Variants in RP1 observed in about 807,000 individuals in gnomAD.
RP1 encodes oxygen-regulated protein 1.
Under a neutral mutation model 14.8 loss-of-function variants are expected in RP1, and 16 were observed. That is an observed-to-expected ratio of 1.08 (90% CI 0.73 to 1.65). The LOEUF is 1.65. RP1 is among the 40% of genes most tolerant of loss of function. The pLI is 0.00. For missense variants in RP1, 2,631 were observed against 2,535.0 expected, an observed-to-expected ratio of 1.04 and a Z score of -0.81; for synonymous variants, 876 against 883.6, an observed-to-expected ratio of 0.99 and a Z score of 0.15.
intron 3 of RP1, among the ~76,000 whole-genome samples, chr8:54,624,409 C>T (rs1299285165): frequency 8.6e-6 from 1 of 116,698 alleles, no homozygotes; most frequent in Non-Finnish European, 1.6e-5. Context: ...CACGCCACTG[C>T]ATTCCAGCCT....
At chr8:54,787,689 A>G (rs1810355796) in intron 24 of RP1, among the ~76,000 whole-genome samples, 1 of 152,170 alleles carries the variant, frequency 6.6e-6, no homozygotes, top group South Asian at 2.1e-4. Context: ...CTGCTTTACT[A>G]TTGTATGAAG....
At chr8:54,720,434 C>A in intron 16 of RP1, 2 of 845,608 alleles carry the variant, frequency 2.4e-6, no homozygotes, top group South Asian at 2.1e-5. Flanking sequence ...TGTTGTCATT[C>A]CAGAAGCAAT....
chr8:54,825,998 T>C (rs983615491), intron 24 of RP1, among the ~76,000 whole-genome samples: 3 of 152,050 alleles, frequency 2.0e-5, no homozygotes, highest in East Asian at 1.9e-4. Flanking sequence ...AGCCCAGAAA[T>C]TGGAAGCTGC....
intron 24 of RP1, among the ~76,000 whole-genome samples, chr8:54,825,922 G>T (rs544657080): frequency 6.6e-6 from 1 of 151,352 alleles, no homozygotes; most frequent in South Asian, 2.1e-4. Context: ...AAAAAAATCA[G>T]CCTGGTGCAA....
At chr8:54,830,030 C>CTGAA (rs1811480947) in intron 24 of RP1, among the ~76,000 whole-genome samples, 1 of 152,096 alleles carries the variant, frequency 6.6e-6, no homozygotes, top group African/African-American at 2.4e-5. Flanking sequence ...ATAATGTACT[C>CTGAA]TGAATATCAG....
intron 25 of RP1, among the ~76,000 whole-genome samples, chr8:54,842,324 T>C (rs990986077): frequency 6.6e-6 from 1 of 152,202 alleles, no homozygotes; most frequent in East Asian, 1.9e-4. Context: ...AAATGGGAAA[T>C]ACAACATCTA....
intron 19 of RP1, among the ~76,000 whole-genome samples, chr8:54,747,361 C>A (rs904326299): frequency 1.2e-4 from 19 of 152,140 alleles, no homozygotes; most frequent in Non-Finnish European, 2.6e-4. Flanking sequence ...AAAGGGAGCC[C>A]ACATTTGCTC....
At chr8:54,811,845 G>T (rs1811002461) in intron 24 of RP1, among the ~76,000 whole-genome samples, 3 of 152,200 alleles carry the variant, frequency 2.0e-5, no homozygotes, top group South Asian at 4.1e-4. Flanking sequence ...CAAGCTGAAA[G>T]CTCACTTACC....
At chr8:54,737,261 G>A (rs191645003) in intron 18 of RP1, among the ~76,000 whole-genome samples, 211 of 152,266 alleles carry the variant, frequency 1.4e-3, no homozygotes, top group Non-Finnish European at 2.3e-3. Flanking sequence ...GATTGGAAGG[G>A]ACAAGCATGT....
At chr8:54,572,836 T>C (rs1445336194) in intron 1 of RP1, among the ~76,000 whole-genome samples, 1 of 152,134 alleles carries the variant, frequency 6.6e-6, no homozygotes, top group Non-Finnish European at 1.5e-5. Context: ...CTGGTGGTGT[T>C]AGAATTTGCA....
chr8:54,680,208 G>A (rs1000453627), intron 12 of RP1, among the ~76,000 whole-genome samples: 3 of 152,126 alleles, frequency 2.0e-5, no homozygotes, highest in Non-Finnish European at 2.9e-5. Context: ...TAAATAATTT[G>A]AGGGCCAGAG....
At chr8:54,585,728 T>A (rs1804905231) in intron 1 of RP1, among the ~76,000 whole-genome samples, 1 of 152,218 alleles carries the variant, frequency 6.6e-6, no homozygotes, top group Non-Finnish European at 1.5e-5. Flanking sequence ...ACTTCTCTTC[T>A]CACTTCATTT....
intron 26 of RP1, among the ~76,000 whole-genome samples, chr8:54,855,938 C>A (rs1243491479): frequency 6.3e-5 from 6 of 95,736 alleles, no homozygotes; most frequent in African/African-American, 2.0e-4. Context: ...TTACTATACA[C>A]ACACACACAC....
At chr8:54,742,237 C>A (rs1334186500) in intron 19 of RP1, among the ~76,000 whole-genome samples, 4 of 152,160 alleles carry the variant, frequency 2.6e-5, no homozygotes, top group Non-Finnish European at 5.9e-5. Flanking sequence ...AATACTATAT[C>A]TGTCACTGGT....
At chr8:54,807,675 T>TATCTATCATC (rs10678922) in intron 24 of RP1, among the ~76,000 whole-genome samples, 1 of 113,646 alleles carries the variant, frequency 8.8e-6, no homozygotes, top group Admixed American at 9.7e-5. Flanking sequence ...TCTATCTATC[T>TATCTATCATC]ATTTATCTAT....
At chr8:54,563,449 C>G (rs1804330481) in intron 1 of RP1, among the ~76,000 whole-genome samples, 1 of 152,206 alleles carries the variant, frequency 6.6e-6, no homozygotes, top group African/African-American at 2.4e-5. Flanking sequence ...TAAAATATCT[C>G]CCTTGCAGAG....
intron 15 of RP1, among the ~76,000 whole-genome samples, chr8:54,707,375 G>C (rs1210713685): frequency 6.6e-6 from 1 of 152,074 alleles, no homozygotes; most frequent in Non-Finnish European, 1.5e-5. Flanking sequence ...CCACTGCCTT[G>C]GCCTCCCAAA....
intron 25 of RP1, among the ~76,000 whole-genome samples, chr8:54,842,086 G>A (rs1267866773): frequency 6.6e-6 from 1 of 152,080 alleles, no homozygotes; most frequent in African/African-American, 2.4e-5. Flanking sequence ...TAACAACTGA[G>A]CTAAATTAAA....
At chr8:54,633,746 T>TAC, downstream of RP1, among the ~76,000 whole-genome samples, 1 of 148,774 alleles carries the variant, frequency 6.7e-6, no homozygotes, top group Non-Finnish European at 1.5e-5. Context: ...TCTATATATA[T>TAC]ATATATATAT....
Sources: allele counts gnomAD v4.1 joint callset (sites outside exome capture counted in the v4.1 genomes callset), GRCh38; gene constraint gnomAD v4.1.1; transcripts MANE v1.5; gene names NCBI Gene and HGNC (gene_info 2026-07-23, HGNC 2026-07-21).